SSUH2: variants seen among roughly 807,000 people sequenced by gnomAD.
The protein encoded by SSUH2 is ssu-2 homolog.
Under a neutral mutation model 55.3 loss-of-function variants are expected in SSUH2, and 47 were observed. That is an observed-to-expected ratio of 0.85 (90% CI 0.67 to 1.08). SSUH2 has a LOEUF of 1.08. Among genes scored for constraint, SSUH2 ranks in the 50% least tolerant of loss-of-function variants. SSUH2 has a pLI of 0.00. For synonymous variants in SSUH2, 212 were observed against 191.5 expected, an observed-to-expected ratio of 1.11 and a Z score of -0.89; for missense variants, 535 against 490.7, an observed-to-expected ratio of 1.09 and a Z score of -0.85.
chr3:8,633,169 G>T, intron 4 of SSUH2, among the ~76,000 whole-genome samples: 1 of 137,496 alleles, frequency 7.3e-6, no homozygotes, highest in African/African-American at 2.7e-5. Context: ...TTGAGTTGGA[G>T]TTTCGTTCTT....
chr3:8,633,737 T>TA lies in SSUH2; in HGVS notation c.267dup (p.Lys90Ter), dbSNP rs1304425694. 1.2e-6 allele frequency: 2 copies of TA among 1,600,554 alleles called. No homozygotes were observed. Among genetic ancestry groups the TA allele is most frequent in the Non-Finnish European group, 1.7e-6 (2 of 1,172,314 alleles). On this transcript the variant is annotated frameshift_variant, in exon 4 of 12. Coordinates refer to ENST00000544814, the MANE Select transcript of SSUH2 (RefSeq NM_001256748.3). LOFTEE classifies it high-confidence loss of function. Reference sequence around the variant, plus strand: ...GCCACCGTGCTGCTGTAGCAGCACTTAGAGTCCACAAAGCTGAGGAGGGCT... The same window carrying TA: ...GCCACCGTGCTGCTGTAGCAGCACTTAAGAGTCCACAAAGCTGAGGAGGGCT...
upstream of SSUH2, among the ~76,000 whole-genome samples, chr3:8,645,131 C>T (rs1033227472): frequency 3.9e-5 from 6 of 152,206 alleles, no homozygotes; most frequent in African/African-American, 9.6e-5. Context: ...TGAGCTACAT[C>T]GCCCAGCTGT....
chr3:8,641,369 G>A (rs1559421255), intron 1 of SSUH2, among the ~76,000 whole-genome samples: 1 of 152,158 alleles, frequency 6.6e-6, no homozygotes, highest in South Asian at 2.1e-4. Flanking sequence ...TCTTTGGGGA[G>A]AAAAAATCAC....
At chr3:8,672,777 A>G (rs1199183587) in intron 3 of SSUH2, among the ~76,000 whole-genome samples, 2 of 152,160 alleles carry the variant, frequency 1.3e-5, no homozygotes, top group African/African-American at 4.8e-5. Context: ...GAGTAACAGC[A>G]TTCTCTTCTT....
intron 1 of SSUH2, among the ~76,000 whole-genome samples, chr3:8,681,320 G>T (rs1419596252): frequency 6.7e-6 from 1 of 149,516 alleles, no homozygotes; most frequent in Non-Finnish European, 1.5e-5. Context: ...ACCATCGCGG[G>T]GGTGGAGGCA....
At chr3:8,681,077 ATAG>A (rs1705902753) in intron 1 of SSUH2, among the ~76,000 whole-genome samples, 1 of 99,430 alleles carries the variant, frequency 1.0e-5, no homozygotes, top group Non-Finnish European at 2.4e-5. Flanking sequence ...TAGGACTTCC[ATAG>A]CAGGGGGGAG....
intron 8 of SSUH2, chr3:8,627,155 T>C (rs1373406481): frequency 6.6e-6 from 1 of 152,280 alleles, no homozygotes; most frequent in African/African-American, 2.4e-5. Context: ...GTTTCCTGTT[T>C]CCCTTAAAAA....
Position 8,678,936 on chromosome 3 carries a change from T to G in SSUH2, c.-901+769A>C, listed in dbSNP as rs1439611721. On this transcript the variant is annotated intron_variant, in intron 2 of 18. Coordinates refer to the SSUH2 transcript ENST00000317371. ...CAGGCGGGGACTGAGAGCCAGCCAC[T>G]CTTCCCCTCCTGGCTCTTGGGACGC... Among the ~76,000 whole-genome samples the G allele has an allele frequency of 3.8e-5, 4 of 105,294 alleles. 1 individual carries two copies. The highest frequency in any genetic ancestry group is 2.8e-4 in the Admixed American group (3 of 10,540). 69.1% of individuals were successfully genotyped at this position (105,294 alleles called of 152,430 possible).
chr3:8,633,626 G>GC (rs373288664), intron 4 of SSUH2, 40 bp downstream of exon 4: 19 of 1,470,904 alleles, frequency 1.3e-5, no homozygotes, highest in East Asian at 7.1e-5. Context: ...CAGCTCCCCA[G>GC]CCCCCCGGCC....
chr3:8,678,077 G>C (rs1395002690), intron 2 of SSUH2, among the ~76,000 whole-genome samples: 2 of 152,044 alleles, frequency 1.3e-5, no homozygotes, highest in African/African-American at 2.4e-5. Context: ...CAATATCAGT[G>C]AGGGCGTGTC....
At chr3:8,658,250 G>A (rs759717898) in intron 7 of SSUH2, among the ~76,000 whole-genome samples, 2 of 152,250 alleles carry the variant, frequency 1.3e-5, no homozygotes, top group African/African-American at 2.4e-5. Context: ...GGAAGGCATT[G>A]CTATGAGTAG....
chr3:8,635,223 T>G, intron 3 of SSUH2, 77 bp downstream of exon 3: 2 of 1,284,512 alleles, frequency 1.6e-6, no homozygotes, highest in Non-Finnish European at 1.1e-6. Context: ...CCTGATGCAC[T>G]GCCAGGGCTG....
At chr3:8,646,207 T>C (rs1289384922), upstream of SSUH2, among the ~76,000 whole-genome samples, 3 of 152,236 alleles carry the variant, frequency 2.0e-5, no homozygotes, top group African/African-American at 7.2e-5. Flanking sequence ...TTGCTGTATC[T>C]GTTTAGGTGT....
At chr3:8,639,355 C>G (rs1056011564) in intron 1 of SSUH2, among the ~76,000 whole-genome samples, 18 of 152,166 alleles carry the variant, frequency 1.2e-4, no homozygotes, top group Admixed American at 2.6e-4. Context: ...ACCAGTTTTC[C>G]CTATTTCAGA....
intron 9 of SSUH2, among the ~76,000 whole-genome samples, 182 bp from the exon 10 acceptor site, chr3:8,625,829 G>T (rs1575062178): frequency 6.6e-6 from 1 of 152,338 alleles, no homozygotes; most frequent in South Asian, 2.1e-4. Flanking sequence ...TAAGGAGAGT[G>T]ACAGTTCAGC....
At chr3:8,676,093 C>G (rs1403269664) in intron 3 of SSUH2, among the ~76,000 whole-genome samples, 2 of 152,092 alleles carry the variant, frequency 1.3e-5, no homozygotes, top group African/African-American at 4.8e-5. Flanking sequence ...TGAGAGCCAG[C>G]CCCTCTTCCC....
At position 8,634,335 on chromosome 3, in the gene SSUH2, T is replaced by A. The variant is rs1425747649; in HGVS notation, c.210-540A>T. ...CAGACAGGGACCCTAACCTCGGCCC[T>A]CTTTCTGCATGCCTCCCCCTCCTCC... On this transcript the variant is annotated intron_variant, in intron 3 of 11. Transcript: ENST00000544814. 7.2e-6 allele frequency: 9 copies of A among 1,253,832 alleles called. No homozygotes were observed. The Admixed American group carries it at 1.9e-4, about 26-fold the overall frequency. The allele number at this position is 1,253,832 out of a possible 1,614,324, so 77.7% of individuals were successfully genotyped here. A position where few individuals can be genotyped will look rare whatever the true frequency, so the allele number is the denominator to read the frequency against.
In SSUH2 at chr3:8,627,734, C is replaced by T. The variant is rs377685481; in HGVS notation, c.638G>A (p.Arg213Gln). 4.8e-5 allele frequency: 77 copies of T among 1,610,402 alleles called. No individual in the cohort carries two copies. In the Admixed American group the frequency reaches 7.4e-4, roughly 16 times the overall value. Residue 213 changes from arginine (R) to glutamine (Q), a missense_variant, in exon 8 of 12, where the codon CGG becomes CAG. Physicochemically the swap from Arg to Gln is conservative, Grantham distance 43. Coordinates refer to ENST00000544814, the MANE Select transcript of SSUH2 (RefSeq NM_001256748.3). ...CGAKRKAKQS[R>Q]RCQLCAGSGR... ...GGACCCCGCGCACAGCTGACATCTC[C>T]GGGACTGCTTGGCTTTGCGCTTGGC... is the stretch of plus-strand genomic sequence containing the variant.
intron 1 of SSUH2, among the ~76,000 whole-genome samples, chr3:8,636,718 T>C (rs73125155): frequency 6.6e-6 from 1 of 152,142 alleles, no homozygotes; most frequent in Non-Finnish European, 1.5e-5. Context: ...CAGACCTGCA[T>C]TGCAGTCTGA....
Sources: allele counts gnomAD v4.1 joint callset (sites outside exome capture counted in the v4.1 genomes callset), GRCh38; gene constraint gnomAD v4.1.1; transcripts MANE v1.5; gene names NCBI Gene and HGNC (gene_info 2026-07-23, HGNC 2026-07-21).